SSBP3: variants seen among roughly 807,000 people sequenced by gnomAD.
SSBP3 encodes the protein single-stranded DNA-binding protein 3.
A neutral mutation model predicts 69.6 loss-of-function variants in SSBP3; 5 were observed. The observed-to-expected ratio is 0.07, with a 90% CI of 0.04 to 0.15. The LOEUF is 0.15. Among genes scored for constraint, SSBP3 ranks in the 10% least tolerant of loss-of-function variants. The pLI is 1.00. For synonymous variants in SSBP3, 196 were observed against 193.4 expected (o/e 1.01, Z -0.11); for missense variants, 312 against 534.0 (o/e 0.58, Z 4.10).
chr1:54,293,078 G>A (rs1031208680), intron 4 of SSBP3, among the ~76,000 whole-genome samples: 4 of 152,050 alleles, frequency 2.6e-5, no homozygotes, highest in Admixed American at 6.6e-5. Context: ...CCCAGCCTGC[G>A]ACCCCAGTCT....
intron 4 of SSBP3, among the ~76,000 whole-genome samples, chr1:54,322,803 C>A (rs947609193): frequency 2.0e-5 from 3 of 152,166 alleles, no homozygotes; most frequent in Non-Finnish European, 4.4e-5. Flanking sequence ...GGTGTTAAGT[C>A]AGCTGGCATT....
chr1:54,270,499 A>G (rs868037638), intron 5 of SSBP3, among the ~76,000 whole-genome samples: 68 of 152,362 alleles, frequency 4.5e-4, no homozygotes, highest in African/African-American at 1.5e-3. Flanking sequence ...GGTGTGTCAA[A>G]TATGTTGGTC....
At chr1:54,241,427 C>T (rs373967807) in intron 12 of SSBP3, 47 bp downstream of exon 12, 1 of 1,606,560 alleles carries the variant, frequency 6.2e-7, no homozygotes, top group Non-Finnish European at 8.5e-7. Flanking sequence ...CTTGCACACT[C>T]AGTCCCACGT....
intron 4 of SSBP3, among the ~76,000 whole-genome samples, chr1:54,285,166 C>T (rs1242387608): frequency 6.6e-6 from 1 of 152,164 alleles, no homozygotes; most frequent in Non-Finnish European, 1.5e-5. Context: ...TGCTGTTCTT[C>T]TTTGATTATG....
chr1:54,366,281 G>C (rs1305081751), intron 4 of SSBP3, among the ~76,000 whole-genome samples: 1 of 152,158 alleles, frequency 6.6e-6, no homozygotes, highest in Non-Finnish European at 1.5e-5. Flanking sequence ...CCTGCAGCAT[G>C]GAGGCGGAGT....
In SSBP3 at chr1:54,333,465, T is replaced by C. The variant is rs144266491; in HGVS notation, c.277-51938A>G. The stretch of plus-strand genomic sequence containing the variant: ...CCACCTGACTCTCCGTAAGGCTGCA[T>C]GGCCTGGTAATTAAAAACTTCAACA... On this transcript the variant is annotated intron_variant, in intron 4 of 17. Coordinates refer to ENST00000610401, the Ensembl canonical transcript of SSBP3. Among the ~76,000 whole-genome samples the C allele has an allele frequency of 4.9e-3, 739 of 152,312 alleles. 10 individuals carry two copies. The highest frequency in any genetic ancestry group is 0.016 in the African/African-American group (684 of 41,566).
chr1:54,251,330 C>A (rs1466994737), intron 9 of SSBP3, among the ~76,000 whole-genome samples: 1 of 152,286 alleles, frequency 6.6e-6, no homozygotes, highest in East Asian at 1.9e-4. Context: ...GATAGGCTAC[C>A]GCACCCCAAA....
At chr1:54,407,749 ATTT>A (rs532968816), upstream of SSBP3, among the ~76,000 whole-genome samples, 4,324 of 97,406 alleles carry the variant, frequency 0.044, 116 homozygotes, top group Middle Eastern at 0.077. Flanking sequence ...GCCTAGGTTG[ATTT>A]TTTTTTTTTT....
At chr1:54,405,293 G>C (rs1649640432) in intron 1 of SSBP3, among the ~76,000 whole-genome samples, 2 of 152,124 alleles carry the variant, frequency 1.3e-5, no homozygotes, top group African/African-American at 4.8e-5. Context: ...TTGGAGGTCC[G>C]AGGAGACTCG....
In SSBP3 at chr1:54,364,106, A is replaced by T. The variant is rs376961947; in HGVS notation, c.276+37755T>A. 1.3e-3 allele frequency among the ~76,000 whole-genome samples: 203 copies of T among 152,352 alleles called. 8 individuals are homozygous for T. The South Asian group carries it at 0.027, about 20-fold the overall frequency. ...TTAGGTTGGCAAACCAGTAAGGCCCAAGGGCCTTACTTATACCACCTGTAT... is the reference window on the plus strand; with the variant it reads ...TTAGGTTGGCAAACCAGTAAGGCCCTAGGGCCTTACTTATACCACCTGTAT... On this transcript the variant is annotated intron_variant, in intron 4 of 17. Coordinates refer to ENST00000610401, the Ensembl canonical transcript of SSBP3.
exon 9 of SSBP3, chr1:54,251,673 T>C: frequency 1.3e-6 from 2 of 1,555,026 alleles, no homozygotes; most frequent in Non-Finnish European, 1.7e-6. Flanking sequence ...TCTGCATTGA[T>C]CCTCCCATGT....
rs1644525683 is a variant in SSBP3, at chr1:54,237,824, A to G, written c.927+1305T>C. ...TCCTAGGCAAGTGCTGCTAACATGC[A>G]TGACTGCAGCGTGCGGAGTTGCAGC... is the stretch of plus-strand genomic sequence containing the variant. On this transcript the variant is annotated intron_variant, in intron 14 of 17. Transcript: ENST00000610401. 4.7e-5 allele frequency: 13 copies of G among 277,260 alleles called. No individual in the cohort carries two copies. The South Asian group carries it at 5.1e-4, about 11-fold the overall frequency. The allele number at this position is 277,260 out of a possible 1,614,324, so 17.2% of individuals were successfully genotyped here. A position where few individuals can be genotyped will look rare whatever the true frequency, so the allele number is the denominator to read the frequency against.
chr1:54,324,959 C>T (rs1390988366), intron 4 of SSBP3, among the ~76,000 whole-genome samples: 1 of 152,214 alleles, frequency 6.6e-6, no homozygotes, highest in African/African-American at 2.4e-5. Flanking sequence ...GAAAGCCGCT[C>T]TGCTCTACCA....
chr1:54,334,046 A>ACT (rs1186818869), intron 4 of SSBP3, among the ~76,000 whole-genome samples: 1 of 152,066 alleles, frequency 6.6e-6, no homozygotes, highest in Admixed American at 6.6e-5. Context: ...ACAGAGCAAG[A>ACT]CCCTCTCTCA....
rs145611160 is a variant in SSBP3, at chr1:54,401,342, G to A, written c.276+519C>T. ...AGCTGAGGATCTCAGAGTACAAATCGTCTTAGCAGATACAGTATGAGCCCA... is the reference window on the plus strand; with the variant it reads ...AGCTGAGGATCTCAGAGTACAAATCATCTTAGCAGATACAGTATGAGCCCA... On this transcript the variant is annotated intron_variant, in intron 4 of 17. Coordinates refer to ENST00000610401, the Ensembl canonical transcript of SSBP3. Among the ~76,000 whole-genome samples, 708 of 151,946 alleles carry A rather than the reference G, an allele frequency of 4.7e-3. 5 individuals carry two copies. The highest frequency in any genetic ancestry group is 0.017 in the African/African-American group (692 of 41,390).
intron 4 of SSBP3, among the ~76,000 whole-genome samples, chr1:54,284,549 C>T (rs1013825046): frequency 2.0e-5 from 3 of 151,934 alleles, no homozygotes; most frequent in South Asian, 2.1e-4. Flanking sequence ...CTTACTATGG[C>T]CCCAAACTCC....
chr1:54,324,615 T>A (rs1408549058), intron 4 of SSBP3, among the ~76,000 whole-genome samples: 2 of 152,036 alleles, frequency 1.3e-5, no homozygotes, highest in African/African-American at 4.8e-5. Context: ...CCAGCCTGAT[T>A]TACAGAATTT....
intron 4 of SSBP3, among the ~76,000 whole-genome samples, chr1:54,315,302 C>T (rs1285516055): frequency 6.6e-6 from 1 of 152,136 alleles, no homozygotes; most frequent in Non-Finnish European, 1.5e-5. Flanking sequence ...GCCTGGTCTA[C>T]CTCTGTTTCC....
chr1:54,366,632 G>A (rs970770488), intron 4 of SSBP3, among the ~76,000 whole-genome samples: 2 of 152,298 alleles, frequency 1.3e-5, no homozygotes, highest in East Asian at 3.9e-4. Flanking sequence ...CTGGTACCAG[G>A]ATGCACAGGA....
Sources: allele counts gnomAD v4.1 joint callset (sites outside exome capture counted in the v4.1 genomes callset), GRCh38; gene constraint gnomAD v4.1.1; transcripts MANE v1.5; gene names NCBI Gene and HGNC (gene_info 2026-07-23, HGNC 2026-07-21).